Variants in SLC39A8 observed in about 807,000 individuals in gnomAD.
SLC39A8 encodes solute carrier family 39 member 8.
Under a neutral mutation model 40.4 loss-of-function variants are expected in SLC39A8, and 15 were observed. The ratio of observed to expected loss-of-function variants is 0.37; its 90% CI spans 0.25 to 0.57. The LOEUF is 0.57. Ranked by LOEUF, SLC39A8 falls within the 20% of genes least tolerant of loss-of-function variation. The pLI is 0.75. For synonymous variants in SLC39A8, 223 were observed against 221.6 expected, an observed-to-expected ratio of 1.01 and a Z score of -0.06; for missense variants, 472 against 558.8, an observed-to-expected ratio of 0.84 and a Z score of 1.57.
intron 2 of SLC39A8, among the ~76,000 whole-genome samples, chr4:102,327,922 T>C (rs1356895295): frequency 1.3e-5 from 2 of 152,346 alleles, no homozygotes; most frequent in East Asian, 3.9e-4. Flanking sequence ...TCTATGAAAC[T>C]TTCCTAGAAT....
intron 6 of SLC39A8, among the ~76,000 whole-genome samples, chr4:102,268,723 T>A (rs1053630530): frequency 1.3e-5 from 2 of 152,238 alleles, no homozygotes; most frequent in Admixed American, 6.5e-5. Context: ...ATTATTTTCT[T>A]AACAAATTGC....
rs780034136 is a variant in SLC39A8, at chr4:102,307,621, A to T, written c.383-16T>A. On this transcript the variant is annotated splice_polypyrimidine_tract_variant and intron_variant, in intron 3 of 8. Coordinates refer to ENST00000356736, the MANE Select transcript of SLC39A8 (RefSeq NM_001135146.2). ...TATCCCCAAACTGTGGGTCAGAGGGAAAAGAGAGTAGAAATTAATCAGAGC... is the reference window on the plus strand; with the variant it reads ...TATCCCCAAACTGTGGGTCAGAGGGTAAAGAGAGTAGAAATTAATCAGAGC... 31 of 1,606,574 alleles carry T rather than the reference A, an allele frequency of 1.9e-5. No individual in the cohort carries two copies. The highest frequency in any genetic ancestry group is 2.5e-5 in the Non-Finnish European group (29 of 1,176,610).
At chr4:102,297,342 A>G (rs1469040780) in intron 6 of SLC39A8, among the ~76,000 whole-genome samples, 1 of 152,116 alleles carries the variant, frequency 6.6e-6, no homozygotes, top group East Asian at 1.9e-4. Flanking sequence ...TTCTCTGTAC[A>G]TCAGTTTCCA....
chr4:102,297,671 C>T (rs906175479), intron 6 of SLC39A8, among the ~76,000 whole-genome samples: 1 of 151,982 alleles, frequency 6.6e-6, no homozygotes, highest in Admixed American at 6.6e-5. Flanking sequence ...AATCCCAATA[C>T]TTTGGGAGGC....
chr4:102,294,764 A>C (rs1294896227), intron 6 of SLC39A8, among the ~76,000 whole-genome samples: 2 of 152,062 alleles, frequency 1.3e-5, no homozygotes, highest in Non-Finnish European at 2.9e-5. Context: ...TAAGAAAAAA[A>C]AACTCAACTA....
At chr4:102,321,466 A>G (rs532655272) in intron 2 of SLC39A8, among the ~76,000 whole-genome samples, 8 of 152,328 alleles carry the variant, frequency 5.3e-5, no homozygotes, top group South Asian at 2.1e-4. Flanking sequence ...CCTGGAACCA[A>G]TCTGTGAGAT....
chr4:102,334,756 T>G (rs1441130014), intron 2 of SLC39A8, among the ~76,000 whole-genome samples: 1 of 152,172 alleles, frequency 6.6e-6, no homozygotes, highest in Admixed American at 6.5e-5. Flanking sequence ...TAGTGGAAAG[T>G]GCATCGGTTA....
Position 102,344,514 on chromosome 4 carries a change from T to C in SLC39A8, c.149A>G (p.His50Arg). ...GGCGGCTCCCATCTGCTCCAGCAAG[T>C]GCTGGAGCTGCGCCGCCGACAGGCT... Reference protein sequence around the residue: ...NLSLSAAQLQHLLEQMGAASR... With the variant: ...NLSLSAAQLQRLLEQMGAASR... The change falls in exon 2 of 9, where the codon CAC (histidine) becomes CGC (arginine). Residue 50 changes from histidine (H) to arginine (R), a missense_variant. By Grantham distance (29) the His-to-Arg change is conservative. This residue lies in a region of SLC39A8 where 175 missense variants were observed against 160.5 expected (regional missense o/e 1.09). Transcript: ENST00000356736. The C allele has an allele frequency of 1.9e-6, 3 of 1,558,528 alleles. No individual in the cohort carries two copies. Among genetic ancestry groups the C allele is most frequent in the African/African-American group, 2.7e-5 (2 of 73,188 alleles).
In SLC39A8 at chr4:102,333,084, C is replaced by T. The variant is rs538835495; in HGVS notation, c.219+11360G>A. 3.9e-5 allele frequency among the ~76,000 whole-genome samples: 6 copies of T among 152,146 alleles called. No individual in the cohort carries two copies. In the East Asian group the frequency reaches 1.2e-3, roughly 29 times the overall value. On this transcript the variant is annotated intron_variant, in intron 2 of 8. Transcript: ENST00000356736. ...TAATGTAGATAATGGCTGATGGGTG[C>T]AGTAAACCACCATGTCACGCGTATA...
At chr4:102,253,563 C>T in intron 11 of SLC39A8, 5 of 468,938 alleles carry the variant, frequency 1.1e-5, no homozygotes, top group Non-Finnish European at 1.6e-5. Flanking sequence ...TTTTAGAATA[C>T]ATGTTCATTG....
At chr4:102,275,557 C>A (rs554388472) in intron 6 of SLC39A8, among the ~76,000 whole-genome samples, 2 of 152,104 alleles carry the variant, frequency 1.3e-5, no homozygotes, top group Non-Finnish European at 2.9e-5. Flanking sequence ...ACCCCACTTT[C>A]AATATTAGAG....
At chr4:102,301,063 G>A (rs1338290881) in intron 6 of SLC39A8, among the ~76,000 whole-genome samples, 6 of 151,938 alleles carry the variant, frequency 3.9e-5, no homozygotes. Flanking sequence ...CTGGTGCAGG[G>A]CTGTCACCCT....
chr4:102,310,623 A>G (rs147509356), intron 3 of SLC39A8, among the ~76,000 whole-genome samples: 1 of 152,208 alleles, frequency 6.6e-6, no homozygotes, highest in Non-Finnish European at 1.5e-5. Context: ...ATCACATTCT[A>G]AGCACACTGC....
chr4:102,336,522 G>A (rs1735680529), intron 2 of SLC39A8, among the ~76,000 whole-genome samples: 1 of 148,498 alleles, frequency 6.7e-6, no homozygotes, highest in African/African-American at 2.5e-5. Flanking sequence ...ATGCTCACTT[G>A]ATTTTTTTCT....
rs954355627 is a variant in SLC39A8, at chr4:102,268,034, T to C, written c.886A>G (p.Lys296Glu). 29 of 1,614,220 alleles carry C rather than the reference T, an allele frequency of 1.8e-5. No homozygotes were observed. Among genetic ancestry groups the C allele is most frequent in the Non-Finnish European group, 2.5e-5 (29 of 1,180,038 alleles). Residue 296 changes from lysine to glutamate, a missense_variant, in exon 7 of 9, where the codon AAA (lysine) becomes GAA (glutamate). Transcript: ENST00000356736. ...GCAATCGTCCCTATTTCTGACAGTT[T>C]GGGCCCCTTCAAACAGGTACATGAA... is the stretch of plus-strand genomic sequence containing the variant. ...PSSCTCLKGP[K>E]LSEIGTIAWM... is the part of the protein sequence containing the mutation.
At chr4:102,295,332 C>T (rs1016938531) in intron 6 of SLC39A8, among the ~76,000 whole-genome samples, 3 of 151,812 alleles carry the variant, frequency 2.0e-5, no homozygotes, top group African/African-American at 7.3e-5. Flanking sequence ...ATAAACTCCA[C>T]AAAAATGCTG....
At chr4:102,260,285 G>A (rs1193120776), downstream of SLC39A8, among the ~76,000 whole-genome samples, 1 of 152,194 alleles carries the variant, frequency 6.6e-6, no homozygotes, top group African/African-American at 2.4e-5. Flanking sequence ...CTTCTTTTCA[G>A]TAAGAGAATT....
chr4:102,331,280 G>A lies in SLC39A8; in HGVS notation c.219+13164C>T, dbSNP rs547708314. ...GATTGTATATTTAGAAAACCCCATCGTCTCAGCCCAAAATCTCCTTAGGCT... is the reference window on the plus strand; with the variant it reads ...GATTGTATATTTAGAAAACCCCATCATCTCAGCCCAAAATCTCCTTAGGCT... On this transcript the variant is annotated intron_variant, in intron 2 of 8. Transcript: ENST00000356736. Among the ~76,000 whole-genome samples, 11 of 152,244 alleles carry A rather than the reference G, an allele frequency of 7.2e-5. No individual in the cohort carries two copies. The East Asian group carries it at 7.7e-4, about 11-fold the overall frequency.
intron 6 of SLC39A8, among the ~76,000 whole-genome samples, chr4:102,299,783 G>A (rs1418469905): frequency 6.6e-6 from 1 of 151,968 alleles, no homozygotes; most frequent in Non-Finnish European, 1.5e-5. Context: ...TAAAAAGAGA[G>A]ACTGATGACA....
Sources: gnomAD v4.1 joint callset for allele counts (sites outside exome capture counted in the v4.1 genomes callset) on GRCh38, gnomAD v4.1.1 for gene constraint, gnomAD v4.1.1 regional missense constraint, MANE v1.5 for transcripts, NCBI Gene and HGNC (gene_info 2026-07-23, HGNC 2026-07-21) for gene names.